The following CRACDL variants were observed in gnomAD, a reference collection of about 807,000 sequenced individuals.
CRACDL encodes the protein CRACD-like protein.
CRACDL carries 26 observed loss-of-function variants against 70.6 expected under a neutral mutation model. That is an observed-to-expected ratio of 0.37 (90% CI 0.27 to 0.51). The LOEUF (loss-of-function observed/expected upper bound fraction) is 0.51, where lower values mean the gene tolerates loss of function less well. CRACDL is among the 20% of genes least tolerant of loss of function. The pLI is 0.94. For synonymous variants in CRACDL, 618 were observed against 615.2 expected (o/e 1.00, Z -0.07); for missense variants, 1,283 against 1,376.9 (o/e 0.93, Z 1.08).
chr2:98,823,213 G>C lies in CRACDL; in HGVS notation c.1060C>G (p.Pro354Ala). ...PESAPTLRVE[P>A]PSPPEGPPNP... Reference sequence around the variant, plus strand: ...GGGGGGCCCTCCGGCGGGGACGGGGGCTCCACGCGGAGAGTGGGGGCCGAC... The same window carrying C: ...GGGGGGCCCTCCGGCGGGGACGGGGCCTCCACGCGGAGAGTGGGGGCCGAC... The change falls in exon 7 of 10, where the codon CCC becomes GCC. Residue 354 changes from proline to alanine, a missense_variant. Pro to Ala is a conservative substitution (Grantham distance 27, BLOSUM62 -1). Transcript: ENST00000397899. This position sits in a 1 kb window ranked among gnomAD's most constrained non-coding sequence, Gnocchi z 4.0. The C allele has an allele frequency of 7.0e-7, 1 of 1,421,684 alleles. No homozygotes were observed. Among genetic ancestry groups the C allele is most frequent in the Non-Finnish European group, 9.2e-7 (1 of 1,088,648 alleles). The allele number at this position is 1,421,684 out of a possible 1,614,324, so 88.1% of individuals were successfully genotyped here.
intron 1 of CRACDL, among the ~76,000 whole-genome samples, chr2:98,850,698 G>A (rs114996337): frequency 1.3e-5 from 2 of 152,154 alleles, no homozygotes; most frequent in African/African-American, 4.8e-5. Flanking sequence ...CTTACCAGAG[G>A]GCTGAGCCTC....
At chr2:98,882,782 T>C (rs1573138511) in intron 1 of CRACDL, among the ~76,000 whole-genome samples, 1 of 152,214 alleles carries the variant, frequency 6.6e-6, no homozygotes, top group Non-Finnish European at 1.5e-5. Flanking sequence ...TTTGGTTCCA[T>C]TTTTAGATCT....
intron 5 of CRACDL, among the ~76,000 whole-genome samples, chr2:98,829,913 C>G (rs1325236537): frequency 6.6e-6 from 1 of 152,212 alleles, no homozygotes; most frequent in African/African-American, 2.4e-5. Flanking sequence ...CCAATCTCAT[C>G]TCATCCCCCC....
intron 1 of CRACDL, among the ~76,000 whole-genome samples, chr2:98,857,768 A>G (rs1439384622): frequency 6.6e-6 from 1 of 152,182 alleles, no homozygotes. Flanking sequence ...TAAGCAGAAA[A>G]TCAACAGTGA....
At chr2:98,890,782 C>T (rs1007749686) in intron 1 of CRACDL, among the ~76,000 whole-genome samples, 28 of 152,308 alleles carry the variant, frequency 1.8e-4, no homozygotes, top group Non-Finnish European at 2.6e-4. Flanking sequence ...GGGGGCTGGG[C>T]GTGGTGGCTC....
intron 1 of CRACDL, among the ~76,000 whole-genome samples, chr2:98,915,201 A>G (rs1490019885): frequency 6.6e-6 from 1 of 152,246 alleles, no homozygotes; most frequent in Non-Finnish European, 1.5e-5. Flanking sequence ...AGACCTGAGG[A>G]GACTCAGGCT....
chr2:98,899,858 G>A (rs554333411), intron 1 of CRACDL, among the ~76,000 whole-genome samples: 1 of 145,770 alleles, frequency 6.9e-6, no homozygotes, highest in African/African-American at 2.6e-5. Flanking sequence ...AGGGGAGGCA[G>A]GGAATGGAGG....
At chr2:98,859,686 A>C (rs866991267) in intron 1 of CRACDL, among the ~76,000 whole-genome samples, 3 of 152,138 alleles carry the variant, frequency 2.0e-5, no homozygotes, top group Admixed American at 1.3e-4. Context: ...TCTATGAAAA[A>C]CCTACAGCTT....
chr2:98,894,120 C>T (rs945629332), intron 1 of CRACDL, among the ~76,000 whole-genome samples: 19 of 152,230 alleles, frequency 1.2e-4, no homozygotes, highest in East Asian at 3.8e-4. Flanking sequence ...CCGCCAGTGG[C>T]GCTGGCTATA....
intron 1 of CRACDL, among the ~76,000 whole-genome samples, chr2:98,865,547 C>T (rs1308981696): frequency 1.3e-5 from 2 of 152,118 alleles, no homozygotes; most frequent in African/African-American, 2.4e-5. Flanking sequence ...TCTAGTGAGT[C>T]ATGCCAAGAT....
intron 1 of CRACDL, among the ~76,000 whole-genome samples, chr2:98,926,325 C>T (rs139970955): frequency 0.028 from 4,285 of 151,790 alleles, 79 homozygotes; most frequent in Middle Eastern, 0.065. Flanking sequence ...CTGTACCCTC[C>T]CAGGATTAGA....
chr2:98,849,310 A>G (rs1242039876), intron 1 of CRACDL, among the ~76,000 whole-genome samples: 1 of 152,224 alleles, frequency 6.6e-6, no homozygotes, highest in Non-Finnish European at 1.5e-5. Flanking sequence ...ACTCTGGAGA[A>G]ACCATGATGT....
At chr2:98,920,854 C>T (rs576712208) in intron 1 of CRACDL, among the ~76,000 whole-genome samples, 1 of 152,322 alleles carries the variant, frequency 6.6e-6, no homozygotes, top group African/African-American at 2.4e-5. Flanking sequence ...GCCTCATATC[C>T]AGTGCTGTGC....
intron 1 of CRACDL, among the ~76,000 whole-genome samples, chr2:98,856,298 C>T (rs943593086): frequency 4.0e-4 from 61 of 152,196 alleles, no homozygotes; most frequent in Middle Eastern, 6.8e-3. Flanking sequence ...GACCAGAAAG[C>T]AGTAGGGTGA....
At chr2:98,831,136 G>A (rs1705525461) in intron 5 of CRACDL, among the ~76,000 whole-genome samples, 1 of 152,196 alleles carries the variant, frequency 6.6e-6, no homozygotes, top group African/African-American at 2.4e-5. Flanking sequence ...CTCGAGGCTG[G>A]AGAGCAGGCC....
chr2:98,918,817 G>A (rs887435294), intron 1 of CRACDL, among the ~76,000 whole-genome samples: 10 of 152,070 alleles, frequency 6.6e-5, no homozygotes, highest in Non-Finnish European at 1.3e-4. Context: ...TAAGTTCCTG[G>A]TAAATTCTGG....
Position 98,919,385 on chromosome 2 carries a change from T to C in CRACDL, c.-11+16553A>G, listed in dbSNP as rs1708744025. ...ACTAATTCATATCTCTCACCCACTA[T>C]CTCATTAAGAAGTTCATTCACAATG... On this transcript the variant is annotated intron_variant, in intron 1 of 9. Coordinates refer to ENST00000397899, the MANE Select transcript of CRACDL (RefSeq NM_207362.3). 2.0e-5 allele frequency among the ~76,000 whole-genome samples: 3 copies of C among 152,228 alleles called. No homozygotes were observed. The South Asian group carries it at 6.2e-4, about 32-fold the overall frequency.
At chr2:98,855,472 A>C (rs933555502) in intron 1 of CRACDL, among the ~76,000 whole-genome samples, 15 of 152,290 alleles carry the variant, frequency 9.8e-5, no homozygotes, top group African/African-American at 3.4e-4. Context: ...TTATATGATA[A>C]ATTCCTTCAC....
chr2:98,803,972 G>T (rs1002790042), intron 7 of CRACDL, among the ~76,000 whole-genome samples: 2 of 152,120 alleles, frequency 1.3e-5, no homozygotes, highest in African/African-American at 4.8e-5. Flanking sequence ...GGCAGGGTTT[G>T]TCAGGCTTCC....
Sources: allele counts gnomAD v4.1 joint callset (sites outside exome capture counted in the v4.1 genomes callset), GRCh38; gene constraint gnomAD v4.1.1; non-coding constraint Gnocchi (gnomAD v3.1); transcripts MANE v1.5; gene names NCBI Gene and HGNC (gene_info 2026-07-23, HGNC 2026-07-21).